The following NAA16 variants were observed in gnomAD, a reference collection of about 807,000 sequenced individuals.
The protein encoded by NAA16 is N-alpha-acetyltransferase 16, NatA auxiliary subunit.
NAA16 carries 97 observed loss-of-function variants against 110.3 expected under a neutral mutation model. The observed-to-expected ratio is 0.88, with a 90% CI of 0.75 to 1.04. The LOEUF is 1.04. NAA16 is among the 50% of genes least tolerant of loss of function. The pLI, the probability that NAA16 is intolerant of heterozygous loss-of-function variation, is 0.00. For missense variants in NAA16, 1,017 were observed against 1,005.1 expected (o/e 1.01, Z -0.16); for synonymous variants, 372 against 330.6 (o/e 1.13, Z -1.36).
Position 41,331,276 on chromosome 13 carries a change from A to C in NAA16, c.814A>C (p.Thr272Pro). The change falls in exon 8 of 20, where the codon ACT (threonine) becomes CCT (proline). Residue 272 changes from threonine to proline, a missense_variant and splice_region_variant. Thr to Pro is a conservative substitution (Grantham distance 38). Coordinates refer to ENST00000379406, the MANE Select transcript of NAA16 (RefSeq NM_024561.5). ...EGLEKALQIS[T>P]LEERLQIYEE... ...TCACCCATATTTACTGATAATAGGC[A>C]CTTTAGAAGAGAGGCTTCAAATTTA... 6.3e-7 allele frequency: 1 copy of C among 1,598,598 alleles called. No individual in the cohort carries two copies. The highest frequency in any genetic ancestry group is 8.5e-7 in the Non-Finnish European group (1 of 1,169,660).
chr13:41,370,281 T>C (rs1052902893), intron 15 of NAA16, among the ~76,000 whole-genome samples: 43 of 152,226 alleles, frequency 2.8e-4, no homozygotes, highest in African/African-American at 9.9e-4. Flanking sequence ...AAGTTCCAGA[T>C]GCCATTGAGA....
intron 5 of NAA16, among the ~76,000 whole-genome samples, chr13:41,323,776 C>T (rs914547348): frequency 2.0e-5 from 3 of 152,044 alleles, no homozygotes; most frequent in African/African-American, 7.3e-5. Context: ...TGAGCCACCA[C>T]GCCTGCCTCC....
rs1235132960 is a variant in NAA16 at position 41,311,472 on chromosome 13, C to T, written c.-57C>T. ...CGTCCCGGTGCCCACCCCCGCGAAG[C>T]GGAGCGCCCGGGCACCTAGCCTCCC... On this transcript the variant is annotated 5_prime_UTR_variant, in exon 1 of 20. Transcript: ENST00000379406. The T allele has an allele frequency of 1.3e-6, 2 of 1,533,324 alleles. No individual in the cohort carries two copies. The highest frequency in any genetic ancestry group is 1.8e-6 in the Non-Finnish European group (2 of 1,130,304). 95.0% of individuals were successfully genotyped at this position (1,533,324 alleles called of 1,614,324 possible).
At chr13:41,351,936 A>T (rs2042846932) in intron 9 of NAA16, among the ~76,000 whole-genome samples, 1 of 152,244 alleles carries the variant, frequency 6.6e-6, no homozygotes. Context: ...CTACCTAATT[A>T]AATATAAATG....
intron 15 of NAA16, among the ~76,000 whole-genome samples, chr13:41,370,210 G>A (rs1287074409): frequency 2.0e-5 from 3 of 152,158 alleles, no homozygotes; most frequent in East Asian, 1.9e-4. Context: ...TTAGAAAGAT[G>A]TTTGGGTTAA....
At chr13:41,372,425 A>G in intron 16 of NAA16, 114 bp downstream of exon 16, 1 of 1,362,144 alleles carries the variant, frequency 7.3e-7, no homozygotes, top group Non-Finnish European at 9.5e-7. Context: ...AGCCTTCTAC[A>G]AAGGCTCTTT....
chr13:41,373,044 A>G, intron 17 of NAA16: 1 of 815,780 alleles, frequency 1.2e-6, no homozygotes, highest in Non-Finnish European at 1.5e-6. Context: ...TCTTACATTA[A>G]GCTGGTGGAC....
At chr13:41,374,945 A>C (rs981689843) in intron 19 of NAA16, 106 bp downstream of exon 19, 3 of 677,436 alleles carry the variant, frequency 4.4e-6, no homozygotes, top group African/African-American at 1.8e-5. Context: ...CCTGGATGTT[A>C]ATCCCAGCTC....
intron 15 of NAA16, among the ~76,000 whole-genome samples, chr13:41,369,898 A>G (rs1194067034): frequency 6.6e-6 from 1 of 152,218 alleles, no homozygotes; most frequent in Non-Finnish European, 1.5e-5. Context: ...CTTTTAACCT[A>G]TAAGAACTAT....
chr13:41,369,147 A>T lies in NAA16; in HGVS notation c.1811A>T (p.Lys604Ile). The change falls in exon 15 of 20, where the codon AAA becomes ATA. Residue 604 changes from lysine (K) to isoleucine (I), a missense_variant. Lys to Ile is a moderately radical substitution (Grantham distance 102, BLOSUM62 -3). Transcript: ENST00000379406. ...CTTAGCAAGCAGAGAAGAGCTCAGA[A>T]AAAGGCTAAACTAGAAGAAGAAAGA... ...KMLSKQRRAQKKAKLEEERKH... is the reference protein window; with the variant it reads ...KMLSKQRRAQIKAKLEEERKH... 6.3e-7 allele frequency: 1 copy of T among 1,592,242 alleles called. No individual in the cohort carries two copies. The highest frequency in any genetic ancestry group is 8.5e-7 in the Non-Finnish European group (1 of 1,174,504).
chr13:41,372,470 TTAGAA>T (rs1399905516), intron 16 of NAA16, 159 bp downstream of exon 16: 2 of 984,980 alleles, frequency 2.0e-6, no homozygotes, highest in Non-Finnish European at 2.4e-6. Flanking sequence ...GGGTAATAAA[TTAGAA>T]TAGTACTATC....
At chr13:41,372,855 T>TA in intron 17 of NAA16, 25 bp downstream of exon 17, 1 of 1,488,846 alleles carries the variant, frequency 6.7e-7, no homozygotes, top group South Asian at 1.4e-5. Context: ...GGACCATATT[T>TA]ACATTTGTGA....
At chr13:41,365,466 G>A (rs1382058928) in intron 13 of NAA16, among the ~76,000 whole-genome samples, 2 of 152,148 alleles carry the variant, frequency 1.3e-5, no homozygotes, top group Non-Finnish European at 2.9e-5. Flanking sequence ...AATTCAACCC[G>A]AGATTATTTA....
intron 13 of NAA16, 45 bp downstream of exon 13, chr13:41,362,204 A>T (rs1428769705): frequency 1.2e-5 from 18 of 1,555,624 alleles, no homozygotes; most frequent in Non-Finnish European, 1.6e-5. Context: ...GTAAGGTGAT[A>T]AAAAGCAGGT....
Position 41,320,824 on chromosome 13 carries a change from A to G in NAA16, c.402A>G (p.Arg134=), listed in dbSNP as rs2041926584. 3.8e-6 allele frequency: 6 copies of G among 1,591,760 alleles called. No individual in the cohort carries two copies. In the East Asian group the frequency reaches 6.7e-5, roughly 18 times the overall value. ...AAATGAGAGACCTTGAAGGTTACCG[A>G]GTAAGTACTTCATTCTTAAATGTAC... ...QIQMRDLEGY[R]ETRYQLLQLR... Residue 134 remains arginine (R), a splice_region_variant and synonymous_variant, in exon 4 of 20, where the codon CGA becomes CGG. Coordinates refer to ENST00000379406, the MANE Select transcript of NAA16 (RefSeq NM_024561.5).
At position 41,320,750 on chromosome 13, in the gene NAA16, G is replaced by A. The variant is rs1220967404; in HGVS notation, c.328G>A (p.Asp110Asn). 1.9e-6 allele frequency: 3 copies of A among 1,613,274 alleles called. No homozygotes were observed. Among genetic ancestry groups the A allele is most frequent in the African/African-American group, 2.7e-5 (2 of 74,912 alleles). Residue 110 changes from aspartate to asparagine, a missense_variant, in exon 4 of 20, where the codon GAT becomes AAT. Asp to Asn is a conservative substitution (Grantham distance 23). Coordinates refer to ENST00000379406, the MANE Select transcript of NAA16 (RefSeq NM_024561.5). ...ATGTTACCGAAATGCCCTCAAATTAGATAAAGATAACCTGCAAATTTTGAG... is the reference window on the plus strand; with the variant it reads ...ATGTTACCGAAATGCCCTCAAATTAAATAAAGATAACCTGCAAATTTTGAG... The part of the protein sequence containing the change: ...IKCYRNALKL[D>N]KDNLQILRDL...
At position 41,358,479 on chromosome 13, in the gene NAA16, ATC is replaced by A; in HGVS notation, c.1257+8_1257+9del. ...TGAAAGCAAAAATTTACAAGGTAAA[ATC>A]TGAATCCTGTTTTTTGAGTAGTTGA... On this transcript the variant is annotated splice_region_variant and intron_variant, in intron 11 of 19. Transcript: ENST00000379406. 2 of 1,612,924 alleles carry A rather than the reference ATC, an allele frequency of 1.2e-6. No homozygotes were observed. The highest frequency in any genetic ancestry group is 1.7e-6 in the Non-Finnish European group (2 of 1,179,186).
chr13:41,360,638 A>G (rs2043093797), intron 12 of NAA16, among the ~76,000 whole-genome samples: 1 of 152,214 alleles, frequency 6.6e-6, no homozygotes, highest in African/African-American at 2.4e-5. Context: ...CACTTTATGC[A>G]CACTAGTTTG....
At chr13:41,353,371 C>G (rs1341706475) in intron 9 of NAA16, among the ~76,000 whole-genome samples, 1 of 151,640 alleles carries the variant, frequency 6.6e-6, no homozygotes. Flanking sequence ...TGTCTGTTAA[C>G]TTTAATTTTG....
Sources: gnomAD v4.1 joint callset for allele counts (sites outside exome capture counted in the v4.1 genomes callset) on GRCh38, gnomAD v4.1.1 for gene constraint, MANE v1.5 for transcripts, NCBI Gene and HGNC (gene_info 2026-07-23, HGNC 2026-07-21) for gene names.